The following FBRSL1 variants were observed in gnomAD, a reference collection of about 807,000 sequenced individuals.
FBRSL1 encodes the protein fibrosin like 1.
In FBRSL1, 51 loss-of-function variants were observed where a neutral mutation model predicts 89.6. That is an observed-to-expected ratio of 0.57 (90% CI 0.45 to 0.72). The LOEUF (loss-of-function observed/expected upper bound fraction) is 0.72, where lower values mean the gene tolerates loss of function less well. Ranked by LOEUF, FBRSL1 falls within the 30% of genes least tolerant of loss-of-function variation. FBRSL1 has a pLI of 0.00. For synonymous variants in FBRSL1, 779 were observed against 681.1 expected (o/e 1.14, Z -2.24); for missense variants, 1,618 against 1,451.8 (o/e 1.11, Z -1.86).
intron 4 of FBRSL1, among the ~76,000 whole-genome samples, chr12:132,534,905 C>G (rs1025465636): frequency 6.6e-6 from 1 of 152,254 alleles, no homozygotes; most frequent in Non-Finnish European, 1.5e-5. Flanking sequence ...TGCCGCCTTT[C>G]ACCCCACCCA....
At chr12:132,532,580 G>A (rs922132423) in intron 4 of FBRSL1, among the ~76,000 whole-genome samples, 6 of 152,110 alleles carry the variant, frequency 3.9e-5, no homozygotes, top group East Asian at 1.9e-4. Flanking sequence ...GGAGAAATCC[G>A]TCCCCTTGCC....
At chr12:132,509,620 T>A in intron 2 of FBRSL1, 1 of 1,231,126 alleles carries the variant, frequency 8.1e-7, no homozygotes, top group Non-Finnish European at 1.0e-6. Flanking sequence ...CGGTCCCTCC[T>A]GGTCCCCTGC....
At position 132,561,717 on chromosome 12, in the gene FBRSL1, CAAG is replaced by C. The variant is rs1566205644; in HGVS notation, c.646-5759_646-5757del. On this transcript the variant is annotated intron_variant, in intron 5 of 18. Coordinates refer to ENST00000680143, the MANE Select transcript of FBRSL1 (RefSeq NM_001367871.1). ...GGCCACTCAAACCCGGGACGCCAGCCAAGAAGAGGGCCCGCGTGCGTGCCAGAG... is the reference window on the plus strand; with the variant it reads ...GGCCACTCAAACCCGGGACGCCAGCCAAGAGGGCCCGCGTGCGTGCCAGAG... 3.9e-5 allele frequency among the ~76,000 whole-genome samples: 6 copies of C among 152,292 alleles called. No individual in the cohort carries two copies. In the South Asian group the frequency reaches 1.2e-3, roughly 32 times the overall value.
intron 2 of FBRSL1, among the ~76,000 whole-genome samples, chr12:132,514,746 G>A (rs943356681): frequency 1.3e-5 from 2 of 152,118 alleles, no homozygotes; most frequent in Non-Finnish European, 2.9e-5. Flanking sequence ...AGCAGGGGTG[G>A]GTAGGGCCCT....
At chr12:132,513,743 G>A (rs906907142) in intron 2 of FBRSL1, among the ~76,000 whole-genome samples, 1 of 152,166 alleles carries the variant, frequency 6.6e-6, no homozygotes, top group Non-Finnish European at 1.5e-5. Context: ...GGTCGGGGTG[G>A]ATTCCTGGAA....
In FBRSL1 at chr12:132,583,164, C is replaced by T. The variant is rs1593621016; in HGVS notation, c.2395C>T (p.Arg799Cys). The T allele has an allele frequency of 2.7e-6, 4 of 1,460,096 alleles. No individual in the cohort carries two copies. The highest frequency in any genetic ancestry group is 3.6e-6 in the Non-Finnish European group (4 of 1,110,068). The allele number at this position is 1,460,096 out of a possible 1,614,324, so 90.4% of individuals were successfully genotyped here. A position where few individuals can be genotyped will look rare whatever the true frequency, so the allele number is the denominator to read the frequency against. The change falls in exon 19 of 19, where the codon CGC becomes TGC. Residue 799 changes from arginine (R) to cysteine (C), a missense_variant. Arg to Cys is a radical substitution (Grantham distance 180). Transcript: ENST00000680143. ...GGAGGAGGCCGCCAAGATGCCCGCG[C>T]GCGCATCCCCGCCCCACAGCAAGGC... ...AKEEAAKMPA[R>C]ASPPHSKAAP...
chr12:132,563,722 C>T lies in FBRSL1; in HGVS notation c.646-3759C>T, dbSNP rs532743088. On this transcript the variant is annotated intron_variant, in intron 5 of 18. Transcript: ENST00000680143. Reference sequence around the variant, plus strand: ...CCTACGACTGTATACCCACCCCCGTCGCCCCTGAACCCCCGAGCTCCTGTG... The same window carrying T: ...CCTACGACTGTATACCCACCCCCGTTGCCCCTGAACCCCCGAGCTCCTGTG... Among the ~76,000 whole-genome samples, 73 of 137,794 alleles carry T rather than the reference C, an allele frequency of 5.3e-4. 1 individual carries two copies. The highest frequency in any genetic ancestry group is 1.8e-3 in the African/African-American group (66 of 37,474). The allele number at this position is 137,794 out of a possible 152,430, so 90.4% of individuals were successfully genotyped here.
At chr12:132,529,655 T>G (rs1191593724) in intron 4 of FBRSL1, among the ~76,000 whole-genome samples, 7 of 127,560 alleles carry the variant, frequency 5.5e-5, no homozygotes, top group African/African-American at 2.2e-4. Flanking sequence ...ACCCTGGGCT[T>G]GGCTCTGCCA....
chr12:132,513,254 G>A (rs2034533472), intron 2 of FBRSL1, among the ~76,000 whole-genome samples: 1 of 152,252 alleles, frequency 6.6e-6, no homozygotes, highest in African/African-American at 2.4e-5. Flanking sequence ...ATCACAGGCA[G>A]CAGATTGGAG....
At chr12:132,521,585 C>T (rs958827855) in intron 2 of FBRSL1, among the ~76,000 whole-genome samples, 3 of 152,182 alleles carry the variant, frequency 2.0e-5, no homozygotes, top group Admixed American at 6.5e-5. Context: ...GCATCGTGGC[C>T]GGCCAGTCTC....
At chr12:132,566,731 G>A (rs917643345) in intron 5 of FBRSL1, among the ~76,000 whole-genome samples, 8 of 151,788 alleles carry the variant, frequency 5.3e-5, no homozygotes, top group African/African-American at 1.2e-4. Context: ...GGAGCATAGC[G>A]CAGCATTCTG....
intron 4 of FBRSL1, among the ~76,000 whole-genome samples, chr12:132,536,674 A>G (rs995639723): frequency 7.3e-5 from 11 of 151,036 alleles, no homozygotes; most frequent in African/African-American, 2.4e-4. Context: ...CCATGTGTAC[A>G]TGACGTGTGA....
At chr12:132,511,479 T>A (rs1201756394) in intron 2 of FBRSL1, 50 of 985,950 alleles carry the variant, frequency 5.1e-5, no homozygotes, top group Non-Finnish European at 5.8e-5. Flanking sequence ...TCGAGTCTTC[T>A]GGAGTCCAAG....
Position 132,544,222 on chromosome 12 carries a change from T to C in FBRSL1, c.616-3781T>C, listed in dbSNP as rs368125856. On this transcript the variant is annotated intron_variant, in intron 4 of 18. Transcript: ENST00000680143. ...GGGCGTGGGTGGAGACAACAAGTAC[T>C]GAGAAGTGGTCACGAGGGCCATTAT... is the stretch of plus-strand genomic sequence containing the variant. Among the ~76,000 whole-genome samples, 31 of 152,204 alleles carry C rather than the reference T, an allele frequency of 2.0e-4. 2 individuals carry two copies. Among genetic ancestry groups the C allele is most frequent in the Middle Eastern group, 6.8e-3 (2 of 294 alleles).
intron 5 of FBRSL1, among the ~76,000 whole-genome samples, chr12:132,564,534 C>T (rs141151782): frequency 2.6e-5 from 3 of 115,578 alleles, no homozygotes; most frequent in African/African-American, 4.2e-5. Flanking sequence ...CTCGCTCTGT[C>T]GCCCAGGCTG....
chr12:132,560,872 G>C lies in FBRSL1; in HGVS notation c.646-6609G>C, dbSNP rs375973329. On this transcript the variant is annotated intron_variant, in intron 5 of 18. Coordinates refer to ENST00000680143, the MANE Select transcript of FBRSL1 (RefSeq NM_001367871.1). ...CTCGTGCCTGGGTCACGTCCCTGCAGACCATGGCCGAGAAGTTAAGCGGGT... is the reference window on the plus strand; with the variant it reads ...CTCGTGCCTGGGTCACGTCCCTGCACACCATGGCCGAGAAGTTAAGCGGGT... 2.0e-5 allele frequency among the ~76,000 whole-genome samples: 3 copies of C among 152,384 alleles called. No individual in the cohort carries two copies. The East Asian group carries it at 5.8e-4, about 29-fold the overall frequency.
intron 5 of FBRSL1, among the ~76,000 whole-genome samples, chr12:132,557,488 C>A (rs1017922229): frequency 4.0e-5 from 6 of 148,632 alleles, no homozygotes; most frequent in African/African-American, 1.5e-4. Flanking sequence ...GGCTGTGGGG[C>A]GGGGCTCGGG....
chr12:132,545,628 C>T (rs58188330), intron 4 of FBRSL1, among the ~76,000 whole-genome samples: 3,800 of 152,306 alleles, frequency 0.025, 157 homozygotes, highest in African/African-American at 0.086. Context: ...TAACCAGGTC[C>T]GGGCTTGTGG....
intron 4 of FBRSL1, among the ~76,000 whole-genome samples, chr12:132,537,979 G>T (rs539692890): frequency 9.2e-5 from 14 of 152,320 alleles, no homozygotes; most frequent in African/African-American, 3.1e-4. Context: ...GAGCTCGGGG[G>T]AGGGGCCGCA....
Sources: gnomAD v4.1 joint callset for allele counts (sites outside exome capture counted in the v4.1 genomes callset) on GRCh38, gnomAD v4.1.1 for gene constraint, MANE v1.5 for transcripts, NCBI Gene and HGNC (gene_info 2026-07-23, HGNC 2026-07-21) for gene names.